Variants in UBR7 observed in about 807,000 individuals in gnomAD.
UBR7 encodes ubiquitin protein ligase E3 component n-recognin 7.
A neutral mutation model predicts 57.0 loss-of-function variants in UBR7; 22 were observed. The observed-to-expected ratio is 0.39, with a 90% CI of 0.28 to 0.55. UBR7 has a LOEUF of 0.55. UBR7 is among the 20% of genes least tolerant of loss of function. The pLI is 0.69. For missense variants in UBR7, 395 were observed against 513.2 expected, an observed-to-expected ratio of 0.77 and a Z score of 2.23; for synonymous variants, 167 against 179.8, an observed-to-expected ratio of 0.93 and a Z score of 0.57.
At position 93,227,153 on chromosome 14, in the gene UBR7, C is replaced by T. The variant is rs1012522479; in HGVS notation, c.*118C>T. 17 of 741,606 alleles carry T rather than the reference C, an allele frequency of 2.3e-5. No homozygotes were observed. In the East Asian group the frequency reaches 3.6e-4, roughly 16 times the overall value. The allele number at this position is 741,606 out of a possible 1,614,324, so 45.9% of individuals were successfully genotyped here. ...CGTCCTCCTCTGTTTGGAGAGGCCT[C>T]GCGCTCCCTTCATTCTCTTTAGCTG... On this transcript the variant is annotated 3_prime_UTR_variant, in exon 11 of 11. Transcript: ENST00000013070.
intron 1 of UBR7, 115 bp from the exon 2 acceptor site, chr14:93,209,709 C>A: frequency 7.4e-7 from 1 of 1,348,620 alleles, no homozygotes; most frequent in African/African-American, 1.5e-5. Context: ...ATGGTTTTTA[C>A]AGAAAGATCT....
At chr14:93,214,326 G>A (rs2140100534) in intron 4 of UBR7, among the ~76,000 whole-genome samples, 1 of 152,310 alleles carries the variant, frequency 6.6e-6, no homozygotes. Flanking sequence ...GATAGGAAAA[G>A]GACAGAACAA....
At chr14:93,213,119 C>G (rs1165675893) in intron 4 of UBR7, among the ~76,000 whole-genome samples, 1 of 151,888 alleles carries the variant, frequency 6.6e-6, no homozygotes, top group Non-Finnish European at 1.5e-5. Context: ...GCCTGGGTGA[C>G]AGAGCGAGAC....
intron 6 of UBR7, among the ~76,000 whole-genome samples, chr14:93,218,274 G>A (rs1278325940): frequency 6.6e-6 from 1 of 152,076 alleles, no homozygotes; most frequent in South Asian, 2.1e-4. Context: ...AGCCAGTCAT[G>A]GTGGCACGCA....
At position 93,228,866 on chromosome 14, in the gene UBR7, G is replaced by GTGT; in HGVS notation, c.*1833_*1835dup. 1 of 454,142 alleles carries GTGT rather than the reference G, an allele frequency of 2.2e-6. No homozygotes were observed. The highest frequency in any genetic ancestry group is 4.4e-6 in the Non-Finnish European group (1 of 226,792). The allele number at this position is 454,142 out of a possible 1,614,324, so 28.1% of individuals were successfully genotyped here. On this transcript the variant is annotated 3_prime_UTR_variant, in exon 11 of 11. Transcript: ENST00000013070. ...ATCAGGACCAAGTCTTGGAGGTGAT[G>GTGT]TGTTACATTACGTGCAGCACAATAG...
intron 10 of UBR7, chr14:93,223,637 C>T: frequency 7.2e-7 from 1 of 1,380,622 alleles, no homozygotes; most frequent in Non-Finnish European, 1.0e-6. Context: ...TGAAGCGTGG[C>T]TTGGGCTGAC....
In UBR7 at chr14:93,227,485, C is replaced by T. The variant is rs11621915; in HGVS notation, c.*450C>T. 0.28 allele frequency: 195,285 copies of T among 693,410 alleles called. 30,261 individuals carry two copies. The highest frequency in any genetic ancestry group is 0.33 in the Non-Finnish European group (125,710 of 380,834). 43.0% of individuals were successfully genotyped at this position (693,410 alleles called of 1,614,324 possible). ...CTACAGGTCCCCTCGCCCCTATGAT[C>T]GTGGTGCCTTGGGTCAAAGCTTCCT... On this transcript the variant is annotated 3_prime_UTR_variant, in exon 11 of 11. Transcript: ENST00000013070.
chr14:93,223,487 A>T (rs1376450071), intron 10 of UBR7: 5 of 559,066 alleles, frequency 8.9e-6, no homozygotes, highest in Non-Finnish European at 9.5e-6. Context: ...CTTTCTTAGA[A>T]GATGTCATCT....
intron 1 of UBR7, among the ~76,000 whole-genome samples, chr14:93,209,311 A>G (rs1894432029): frequency 6.6e-6 from 1 of 152,254 alleles, no homozygotes; most frequent in South Asian, 2.1e-4. Flanking sequence ...TAGATTTACA[A>G]ACATTTTCCA....
chr14:93,228,451 T>C lies in UBR7; in HGVS notation c.*1416T>C, dbSNP rs552103098. On this transcript the variant is annotated 3_prime_UTR_variant, in exon 11 of 11. Coordinates refer to ENST00000013070, the MANE Select transcript of UBR7 (RefSeq NM_175748.4). ...ATTAATACTCCTTATGTGTCCAGCA[T>C]CTGTGTATTCATTCGAGTGCCCAAT... 4.4e-6 allele frequency: 2 copies of C among 454,144 alleles called. No individual in the cohort carries two copies. Among genetic ancestry groups the C allele is most frequent in the South Asian group, 3.1e-5 (2 of 64,478 alleles). The allele number at this position is 454,144 out of a possible 1,614,324, so 28.1% of individuals were successfully genotyped here.
chr14:93,220,269 T>G lies in UBR7; in HGVS notation c.981T>G (p.Asp327Glu), dbSNP rs1198621129. 4 of 1,610,840 alleles carry G rather than the reference T, an allele frequency of 2.5e-6. No homozygotes were observed. Among genetic ancestry groups the G allele is most frequent in the Non-Finnish European group, 1.7e-6 (2 of 1,179,218 alleles). The change falls in exon 9 of 11, where the codon GAT becomes GAG. Residue 327 changes from aspartate (D) to glutamate (E), a missense_variant. Transcript: ENST00000013070. ...TAAAGAAAATGTATGGAGATCTAGA[T>G]GTCTTATTCCTGACAGATGAATACG... The part of the protein sequence containing the change: ...QDCMKMYGDL[D>E]VLFLTDEYDT...
intron 10 of UBR7, among the ~76,000 whole-genome samples, chr14:93,224,746 A>G (rs1328235468): frequency 6.6e-6 from 1 of 152,210 alleles, no homozygotes; most frequent in East Asian, 1.9e-4. Flanking sequence ...TCTGGTTAAT[A>G]CAGACTCAAG....
At chr14:93,224,372 CTTTTTTTTTTTTTTT>C (rs761189322) in intron 10 of UBR7, among the ~76,000 whole-genome samples, 1 of 93,792 alleles carries the variant, frequency 1.1e-5, no homozygotes, top group African/African-American at 5.1e-5. Flanking sequence ...CCTTACAGTT[CTTTTTTTTTTTTTTT>C]TTTTTTTTTG....
At chr14:93,225,640 C>G (rs948115614) in intron 10 of UBR7, among the ~76,000 whole-genome samples, 23 of 152,074 alleles carry the variant, frequency 1.5e-4, no homozygotes, top group African/African-American at 5.5e-4. Flanking sequence ...CTCTAAAAAG[C>G]AATAATAATT....
intron 6 of UBR7, among the ~76,000 whole-genome samples, chr14:93,216,607 T>C (rs946399235): frequency 6.6e-6 from 1 of 151,948 alleles, no homozygotes; most frequent in Non-Finnish European, 1.5e-5. Flanking sequence ...TAGAGTTCTT[T>C]TGTTTTTCTG....
chr14:93,210,855 G>C, intron 3 of UBR7, 147 bp downstream of exon 3: 2 of 710,450 alleles, frequency 2.8e-6, no homozygotes, highest in South Asian at 1.7e-5. Flanking sequence ...TTTTTACTTT[G>C]TTAGAAAAAC....
At position 93,215,008 on chromosome 14, in the gene UBR7, A is replaced by G. The variant is rs375825271; in HGVS notation, c.495+26A>G. 237 of 1,604,222 alleles carry G rather than the reference A, an allele frequency of 1.5e-4. No homozygotes were observed. The African/African-American group carries it at 2.9e-3, about 20-fold the overall frequency. ...GTAAGGAAAATGTTCCACCTTTTGAAACCATTGTTGTCACAAAAAGATAAA... is the reference window on the plus strand; with the variant it reads ...GTAAGGAAAATGTTCCACCTTTTGAGACCATTGTTGTCACAAAAAGATAAA... On this transcript the variant is annotated intron_variant, in intron 5 of 10. Transcript: ENST00000013070.
intron 4 of UBR7, among the ~76,000 whole-genome samples, chr14:93,213,371 G>A (rs570199107): frequency 1.1e-4 from 17 of 151,304 alleles, no homozygotes; most frequent in Non-Finnish European, 2.2e-4. Flanking sequence ...GCAGTGGCGC[G>A]ATCTCGGCTC....
At chr14:93,209,492 G>T (rs1894435439) in intron 1 of UBR7, among the ~76,000 whole-genome samples, 1 of 152,152 alleles carries the variant, frequency 6.6e-6, no homozygotes, top group South Asian at 2.1e-4. Context: ...TGTAATCCCA[G>T]CACTTTGGAA....
Sources: allele counts gnomAD v4.1 joint callset (sites outside exome capture counted in the v4.1 genomes callset), GRCh38; gene constraint gnomAD v4.1.1; transcripts MANE v1.5; gene names NCBI Gene and HGNC (gene_info 2026-07-23, HGNC 2026-07-21).